The following RNF130 variants were observed in gnomAD, a reference collection of about 807,000 sequenced individuals.
The protein encoded by RNF130 is E3 ubiquitin-protein ligase RNF130.
Under a neutral mutation model 44.6 loss-of-function variants are expected in RNF130, and 21 were observed. The observed-to-expected ratio is 0.47, with a 90% CI of 0.33 to 0.68. The LOEUF is 0.68. RNF130 is among the 30% of genes least tolerant of loss of function. The pLI is 0.02. For synonymous variants in RNF130, 214 were observed against 210.4 expected, an observed-to-expected ratio of 1.02 and a Z score of -0.15; for missense variants, 479 against 560.6, an observed-to-expected ratio of 0.85 and a Z score of 1.47.
chr5:180,053,462 A>G (rs1453056878), intron 1 of RNF130, among the ~76,000 whole-genome samples: 1 of 152,214 alleles, frequency 6.6e-6, no homozygotes, highest in Non-Finnish European at 1.5e-5. Flanking sequence ...AAGAACACAC[A>G]AGACAAATTA....
chr5:179,933,550 TCTC>T, intron 7 of RNF130, among the ~76,000 whole-genome samples: 1 of 151,524 alleles, frequency 6.6e-6, no homozygotes, highest in East Asian at 1.9e-4. Context: ...TGAGACATGA[TCTC>T]CTCTGTTGCC....
In RNF130 at chr5:179,918,828, C is replaced by T. The variant is rs909576627; in HGVS notation, c.*1489G>A. 4.6e-5 allele frequency: 7 copies of T among 152,204 alleles called. No homozygotes were observed. The South Asian group carries it at 6.2e-4, about 13-fold the overall frequency. The allele number at this position is 152,204 out of a possible 1,614,324, so 9.4% of individuals were successfully genotyped here. A position where few individuals can be genotyped will look rare whatever the true frequency, so the allele number is the denominator to read the frequency against. On this transcript the variant is annotated 3_prime_UTR_variant, in exon 8 of 8. Transcript: ENST00000522208. ...AATGCTCCTGAAGCCTGTCCCCATC[C>T]GGGGCTCTGCAGGTTTCCTTCAGGC...
At chr5:180,043,028 T>C (rs1251774763) in intron 1 of RNF130, among the ~76,000 whole-genome samples, 1 of 152,204 alleles carries the variant, frequency 6.6e-6, no homozygotes, top group Non-Finnish European at 1.5e-5. Flanking sequence ...CCAAGAGTAA[T>C]GCTTTCTGGC....
At chr5:179,950,045 C>CTA (rs1762101862) in intron 7 of RNF130, among the ~76,000 whole-genome samples, 1 of 152,184 alleles carries the variant, frequency 6.6e-6, no homozygotes, top group Non-Finnish European at 1.5e-5. Flanking sequence ...TGAGCAAACT[C>CTA]TATACTTAAT....
At chr5:179,939,739 C>A in intron 7 of RNF130, 4 of 443,780 alleles carry the variant, frequency 9.0e-6, no homozygotes, top group Middle Eastern at 1.7e-3. Flanking sequence ...CCACTGAAAG[C>A]GGAGAAAAAC....
exon 8 of RNF130, chr5:179,919,835 A>T (rs1163463910): frequency 1.3e-5 from 2 of 153,468 alleles, no homozygotes; most frequent in African/African-American, 4.8e-5. Context: ...TTCAGCAGGA[A>T]GTAGAATAAG....
At chr5:179,974,616 C>T (rs762338593) in intron 5 of RNF130, among the ~76,000 whole-genome samples, 6 of 152,224 alleles carry the variant, frequency 3.9e-5, no homozygotes, top group Non-Finnish European at 8.8e-5. Context: ...ACGAGGGTGT[C>T]CAGGCCCATC....
intron 2 of RNF130, among the ~76,000 whole-genome samples, chr5:180,035,773 C>T (rs1405071130): frequency 6.6e-6 from 1 of 152,188 alleles, no homozygotes; most frequent in Non-Finnish European, 1.5e-5. Context: ...TATTTTGAAT[C>T]TGCTGTTGAA....
chr5:180,039,304 A>T (rs1651907997), intron 2 of RNF130, among the ~76,000 whole-genome samples: 1 of 151,216 alleles, frequency 6.6e-6, no homozygotes. Context: ...CAGTGGTGTG[A>T]TCTCAGCTCA....
intron 7 of RNF130, among the ~76,000 whole-genome samples, chr5:179,943,782 A>C (rs931041754): frequency 6.6e-5 from 10 of 152,220 alleles, no homozygotes; most frequent in Non-Finnish European, 1.3e-4. Flanking sequence ...CGCAAAGTAT[A>C]TTTAACAGTG....
Position 179,942,691 on chromosome 5 carries a change from G to C in RNF130, c.1151-22265C>G, listed in dbSNP as rs1231792107. Among the ~76,000 whole-genome samples, 2 of 152,214 alleles carry C rather than the reference G, an allele frequency of 1.3e-5. 1 individual carries two copies. Among genetic ancestry groups the C allele is most frequent in the Admixed American group, 1.3e-4 (2 of 15,274 alleles). On this transcript the variant is annotated intron_variant, in intron 7 of 7. Coordinates refer to the RNF130 transcript ENST00000522208. ...AAGACTGAAAGCCTAAGCCTTAGCT[G>C]TTTAAACTGTAATCATTAGAGTACA...
chr5:180,059,519 G>A (rs1764920319), intron 1 of RNF130, among the ~76,000 whole-genome samples: 1 of 152,164 alleles, frequency 6.6e-6, no homozygotes, highest in East Asian at 1.9e-4. Context: ...ATGAATACTT[G>A]AGGCAGCTGT....
intron 2 of RNF130, among the ~76,000 whole-genome samples, chr5:180,034,334 T>C (rs1764201320): frequency 6.6e-6 from 1 of 152,222 alleles, no homozygotes; most frequent in Non-Finnish European, 1.5e-5. Flanking sequence ...TGGTATATAG[T>C]TTCCATGGAT....
intron 7 of RNF130, among the ~76,000 whole-genome samples, chr5:179,943,081 G>A (rs1028828986): frequency 6.6e-6 from 1 of 152,224 alleles, no homozygotes; most frequent in Non-Finnish European, 1.5e-5. Context: ...TGTAGTCCCA[G>A]CTACTCAGGA....
At position 179,985,153 on chromosome 5, in the gene RNF130, CTTTTTTTTT is replaced by C. The variant is rs34998254; in HGVS notation, c.694-4962_694-4954del. 5.4e-5 allele frequency among the ~76,000 whole-genome samples: 5 copies of C among 91,980 alleles called. 1 individual carries two copies. The highest frequency in any genetic ancestry group is 3.8e-4 in the East Asian group (1 of 2,630). 60.3% of individuals were successfully genotyped at this position (91,980 alleles called of 152,430 possible). ...CATCTTGAAACCCTTTACCCCCTAA[CTTTTTTTTT>C]TTTTTTTTTTTTTGCCATATCCACA... On this transcript the variant is annotated intron_variant, in intron 3 of 8. Coordinates refer to ENST00000521389, the MANE Select transcript of RNF130 (RefSeq NM_018434.6).
chr5:179,920,697 A>G (rs2113669453), intron 7 of RNF130, among the ~76,000 whole-genome samples: 1 of 152,166 alleles, frequency 6.6e-6, no homozygotes, highest in East Asian at 1.9e-4. Context: ...AAAGGGTTCC[A>G]CTTAGAAACG....
At chr5:179,986,058 C>T (rs1342866895) in intron 3 of RNF130, among the ~76,000 whole-genome samples, 2 of 152,170 alleles carry the variant, frequency 1.3e-5, no homozygotes, top group African/African-American at 2.4e-5. Flanking sequence ...ATATCCTTTG[C>T]TTTCCTTTTA....
At chr5:179,923,584 C>CG (rs1215031166) in intron 7 of RNF130, among the ~76,000 whole-genome samples, 1 of 152,220 alleles carries the variant, frequency 6.6e-6, no homozygotes, top group African/African-American at 2.4e-5. Flanking sequence ...TTCAGCCAAT[C>CG]ACAGGTGGCC....
chr5:179,926,282 T>C (rs152232), intron 7 of RNF130, among the ~76,000 whole-genome samples: 77,529 of 152,102 alleles, frequency 0.51, 20,871 homozygotes, highest in East Asian at 0.76. Flanking sequence ...TGGGCCACTG[T>C]TAAAATTTTC....
Sources: allele counts gnomAD v4.1 joint callset (sites outside exome capture counted in the v4.1 genomes callset), GRCh38; gene constraint gnomAD v4.1.1; transcripts MANE v1.5; gene names NCBI Gene and HGNC (gene_info 2026-07-23, HGNC 2026-07-21).